Variants in CACNA1S observed in about 807,000 individuals in gnomAD.
The protein encoded by CACNA1S is calcium voltage-gated channel subunit alpha1 S, also known as voltage-dependent L-type calcium channel subunit alpha-1S.
A neutral mutation model predicts 207.4 loss-of-function variants in CACNA1S; 126 were observed. That is an observed-to-expected ratio of 0.61 (90% confidence interval 0.53 to 0.70). CACNA1S has a LOEUF of 0.70. Ranked by LOEUF, CACNA1S falls within the 30% of genes least tolerant of loss-of-function variation. The probability of loss-of-function intolerance (pLI) is 0.00; values close to 1 mark genes in which losing one functional copy is unlikely to be tolerated. For synonymous variants in CACNA1S, 960 were observed against 932.7 expected (o/e 1.03, Z -0.53); for missense variants, 2,349 against 2,422.8 (o/e 0.97, Z 0.64).
chr1:201,059,229 G>A lies in CACNA1S; in HGVS notation c.3485C>T (p.Thr1162Ile), dbSNP rs1660957352. Residue 1162 changes from threonine (T) to isoleucine (I), a missense_variant, in exon 27 of 44, where the codon ACC (threonine) becomes ATC (isoleucine). By Grantham distance (89) the Thr-to-Ile change is moderately conservative. Coordinates refer to ENST00000362061, the MANE Select transcript of CACNA1S (RefSeq NM_000069.3). The stretch of plus-strand genomic sequence containing the variant: ...CATGAGCTTGAGGATCATCTCCAGG[G>A]TGAAGATGATAGTGAAGGCCACATT... ...ILNVAFTIIF[T>I]LEMILKLMAF... 1 of 1,613,494 alleles carries A rather than the reference G, an allele frequency of 6.2e-7. No individual in the cohort carries two copies. The highest frequency in any genetic ancestry group is 8.5e-7 in the Non-Finnish European group (1 of 1,179,398).
Position 201,047,733 on chromosome 1 carries a change from C to T in CACNA1S, c.4442-107G>A, listed in dbSNP as rs1660516266. The T allele has an allele frequency of 1.3e-5, 10 of 792,916 alleles. No individual in the cohort carries two copies. In the South Asian group the frequency reaches 1.3e-4, roughly 10 times the overall value. The allele number at this position is 792,916 out of a possible 1,614,324, so 49.1% of individuals were successfully genotyped here. On this transcript the variant is annotated intron_variant, in intron 36 of 43. Transcript: ENST00000362061. Reference sequence around the variant, plus strand: ...AGACAGCCAGTCATTTACTAAGAAACATTGGCTGAGTTTTGTGGCAGCTGC... The same window carrying T: ...AGACAGCCAGTCATTTACTAAGAAATATTGGCTGAGTTTTGTGGCAGCTGC...
chr1:201,101,415 A>G (rs1467731709), intron 2 of CACNA1S, among the ~76,000 whole-genome samples: 2 of 152,228 alleles, frequency 1.3e-5, no homozygotes, highest in African/African-American at 2.4e-5. Flanking sequence ...TCTGAGATGT[A>G]TCTTTCATAA....
At chr1:201,094,744 A>G (rs948475105) in intron 2 of CACNA1S, among the ~76,000 whole-genome samples, 1 of 152,066 alleles carries the variant, frequency 6.6e-6, no homozygotes, top group African/African-American at 2.4e-5. Flanking sequence ...ACGCAGGGTG[A>G]GTGGAGTGTG....
chr1:201,100,220 C>T (rs200835122), intron 2 of CACNA1S, among the ~76,000 whole-genome samples: 32 of 152,346 alleles, frequency 2.1e-4, no homozygotes, highest in Admixed American at 1.3e-3. Flanking sequence ...AGGTTTGCTC[C>T]GGCTGTGCTG....
At chr1:201,041,999 G>A in intron 40 of CACNA1S, 1 of 323,496 alleles carries the variant, frequency 3.1e-6, no homozygotes, top group Non-Finnish European at 6.0e-6. Flanking sequence ...ATTTGCAGAA[G>A]CTCCCTGGAT....
intron 2 of CACNA1S, among the ~76,000 whole-genome samples, chr1:201,094,587 CG>C (rs1160987232): frequency 6.6e-6 from 1 of 152,022 alleles, no homozygotes; most frequent in African/African-American, 2.4e-5. Flanking sequence ...TGGTAGGAGA[CG>C]GGGGTGGATT....
At chr1:201,064,041 A>C (rs1661155699) in intron 22 of CACNA1S, among the ~76,000 whole-genome samples, 1 of 152,210 alleles carries the variant, frequency 6.6e-6, no homozygotes, top group African/African-American at 2.4e-5. Context: ...GAGAGACAAA[A>C]GCATGGCGAG....
In CACNA1S at chr1:201,066,825, C is replaced by T; in HGVS notation, c.2657+62G>A. On this transcript the variant is annotated intron_variant, in intron 20 of 43. Transcript: ENST00000362061. The surrounding 1 kb of genome is among the most constrained non-coding windows in gnomAD (Gnocchi z 4.3). ...ACCAACATGGGTGGGACTCCCACTA[C>T]AAAGCCCTGGCACAGAGCAGAGGGT... The T allele has an allele frequency of 7.7e-7, 1 of 1,303,994 alleles. No individual in the cohort carries two copies. The highest frequency in any genetic ancestry group is 1.1e-6 in the Non-Finnish European group (1 of 910,190). 80.8% of individuals were successfully genotyped at this position (1,303,994 alleles called of 1,614,324 possible). A position where few individuals can be genotyped will look rare whatever the true frequency, so the allele number is the denominator to read the frequency against.
At chr1:201,081,377 G>A (rs938739368) in intron 10 of CACNA1S, among the ~76,000 whole-genome samples, 1 of 152,324 alleles carries the variant, frequency 6.6e-6, no homozygotes, top group South Asian at 2.1e-4. Context: ...CTTGTTTGTA[G>A]TGGGGAGGGC....
intron 17 of CACNA1S, among the ~76,000 whole-genome samples, chr1:201,069,954 A>G (rs892008203): frequency 1.3e-5 from 2 of 152,162 alleles, no homozygotes; most frequent in Non-Finnish European, 2.9e-5. Context: ...GCCTGTGTAT[A>G]GTTTAAAGGT....
At chr1:201,079,879 AG>A (rs1661781319) in intron 10 of CACNA1S, among the ~76,000 whole-genome samples, 1 of 152,156 alleles carries the variant, frequency 6.6e-6, no homozygotes, top group Non-Finnish European at 1.5e-5. Context: ...CCCCAACAAA[AG>A]CTTTGGACTG....
chr1:201,105,639 A>G (rs974699267), intron 2 of CACNA1S, among the ~76,000 whole-genome samples: 2 of 152,136 alleles, frequency 1.3e-5, no homozygotes, highest in African/African-American at 2.4e-5. Flanking sequence ...GATCAGCTGC[A>G]TATTCATTCC....
chr1:201,041,000 G>A (rs1660161350), intron 41 of CACNA1S, among the ~76,000 whole-genome samples: 1 of 152,200 alleles, frequency 6.6e-6, no homozygotes, highest in Non-Finnish European at 1.5e-5. Flanking sequence ...CCCTGGGTGT[G>A]TGCACATTAA....
At chr1:201,089,190 C>T in intron 6 of CACNA1S, 68 bp downstream of exon 6, 1 of 1,501,706 alleles carries the variant, frequency 6.7e-7, no homozygotes, top group Non-Finnish European at 9.3e-7. Context: ...GGCAAGCCCT[C>T]CCTCCCCACT....
At position 201,078,121 on chromosome 1, in the gene CACNA1S, A is replaced by C; in HGVS notation, c.1394-17T>G. 6.3e-7 allele frequency: 1 copy of C among 1,585,410 alleles called. No homozygotes were observed. Among genetic ancestry groups the C allele is most frequent in the South Asian group, 1.1e-5 (1 of 90,536 alleles). On this transcript the variant is annotated splice_polypyrimidine_tract_variant and intron_variant, in intron 10 of 43. Coordinates refer to ENST00000362061, the MANE Select transcript of CACNA1S (RefSeq NM_000069.3). ...TGGCAATGTCTGTAGGGTTGGTGGC[A>C]CAGCCCCGGCATCACTCTCCTTCCC...
chr1:201,047,373 T>A, intron 37 of CACNA1S, 134 bp from the exon 38 acceptor site: 1 of 1,357,524 alleles, frequency 7.4e-7, no homozygotes. Flanking sequence ...ACTGGGCACT[T>A]TCCATCCTGA....
rs570082709 is a variant in CACNA1S, at chr1:201,081,945, T to C, written c.1393+1217A>G. On this transcript the variant is annotated intron_variant, in intron 10 of 43. Coordinates refer to ENST00000362061, the MANE Select transcript of CACNA1S (RefSeq NM_000069.3). Reference sequence around the variant, plus strand: ...AAGACCTCCTCAGAAGCTGAGCAGATGCCAGCCCATGTTTTCTGTAAAGCC... The same window carrying C: ...AAGACCTCCTCAGAAGCTGAGCAGACGCCAGCCCATGTTTTCTGTAAAGCC... Among the ~76,000 whole-genome samples, 196 of 152,098 alleles carry C rather than the reference T, an allele frequency of 1.3e-3. 1 individual carries two copies. The highest frequency in any genetic ancestry group is 2.3e-3 in the Non-Finnish European group (157 of 68,004).
chr1:201,053,479 T>C lies in CACNA1S; in HGVS notation c.3775A>G (p.Thr1259Ala). 6.2e-7 allele frequency: 1 copy of C among 1,614,092 alleles called. No individual in the cohort carries two copies. The highest frequency in any genetic ancestry group is 8.5e-7 in the Non-Finnish European group (1 of 1,180,002). ...TGCACCTGGAAGGACTTGATGAACG[T>C]CCACAGGAGGGTTCGCACTCCTTCT... The part of the protein sequence containing the change: ...RAEGVRTLLW[T>A]FIKSFQALPY... Residue 1259 changes from threonine (T) to alanine (A), a missense_variant, in exon 30 of 44, where the codon ACG becomes GCG. Thr to Ala is a moderately conservative substitution (Grantham distance 58). Transcript: ENST00000362061. The surrounding 1 kb of genome is among the most constrained non-coding windows in gnomAD (Gnocchi z 5.1).
rs764821044 is a variant in CACNA1S, at chr1:201,069,148, T to C, written c.2539A>G (p.Ile847Val). The change falls in exon 19 of 44, where the codon ATT (isoleucine) becomes GTT (valine). Residue 847 changes from isoleucine (I) to valine (V), a missense_variant. By Grantham distance (29) the Ile-to-Val change is conservative. Coordinates refer to ENST00000362061, the MANE Select transcript of CACNA1S (RefSeq NM_000069.3). ...CAGCCTTCACTCACCTTGAGGACAA[T>C]CTCCACAGTGAAGACAGAGGTGAAC... is the stretch of plus-strand genomic sequence containing the variant. Reference protein sequence around the residue: ...IGFTSVFTVEIVLKMTTYGAF... With the variant: ...IGFTSVFTVEVVLKMTTYGAF... The C allele has an allele frequency of 1.1e-5, 17 of 1,613,862 alleles. No homozygotes were observed. The East Asian group carries it at 3.6e-4, about 34-fold the overall frequency.
Sources: gnomAD v4.1 joint callset for allele counts (sites outside exome capture counted in the v4.1 genomes callset) on GRCh38, gnomAD v4.1.1 for gene constraint, Gnocchi (gnomAD v3.1) non-coding constraint, MANE v1.5 for transcripts, NCBI Gene and HGNC (gene_info 2026-07-23, HGNC 2026-07-21) for gene names.